CHLSN: variants seen among roughly 807,000 people sequenced by gnomAD.
CHLSN encodes cholesin, also known as protein cholesin.
the CHLSN span, among the ~76,000 whole-genome samples, chr7:1,041,102 A>G: frequency 1.3e-5 from 2 of 152,042 alleles, no homozygotes; most frequent in Admixed American, 6.6e-5. Context: ...AGCTGTGCAG[A>G]CGGAATTTAG....
the CHLSN span, chr7:988,384 T>C: frequency 3.7e-6 from 6 of 1,612,638 alleles, no homozygotes; most frequent in Admixed American, 3.3e-5. Context: ...ATGGGCACTT[T>C]GTGAAGCGGG....
At chr7:1,124,813 C>T in the CHLSN span, among the ~76,000 whole-genome samples, 3 of 151,960 alleles carry the variant, frequency 2.0e-5, no homozygotes, top group Non-Finnish European at 4.4e-5. Flanking sequence ...GAGGAGGAGC[C>T]GAAATTCAAG....
the CHLSN span, among the ~76,000 whole-genome samples, chr7:1,011,278 T>C: frequency 1.1e-5 from 1 of 90,904 alleles, no homozygotes; most frequent in Non-Finnish European, 2.0e-5. Flanking sequence ...CACACCCAGA[T>C]ACCCACACAT....
the CHLSN span, among the ~76,000 whole-genome samples, chr7:1,016,414 AGC>A: frequency 2.0e-5 from 1 of 50,352 alleles, no homozygotes; most frequent in Admixed American, 1.9e-4. Context: ...AGCACACAGC[AGC>A]GCACGCCAGC....
At chr7:987,679 G>A in the CHLSN span, 14 of 824,196 alleles carry the variant, frequency 1.7e-5, no homozygotes, top group Admixed American at 3.5e-4. Context: ...CCAGCCAGGA[G>A]CAGGAGGGAG....
the CHLSN span, among the ~76,000 whole-genome samples, chr7:1,032,855 C>T: frequency 6.6e-6 from 1 of 152,226 alleles, no homozygotes; most frequent in South Asian, 2.1e-4. Context: ...GCGCCTCTGC[C>T]CCAAGCATCC....
At chr7:1,054,521 A>G in the CHLSN span, among the ~76,000 whole-genome samples, 1 of 152,226 alleles carries the variant, frequency 6.6e-6, no homozygotes. Flanking sequence ...ACGTGAGCGC[A>G]GGGAGGAAAT....
At chr7:1,080,180 G>A in the CHLSN span, among the ~76,000 whole-genome samples, 2 of 152,270 alleles carry the variant, frequency 1.3e-5, no homozygotes, top group East Asian at 3.8e-4. Flanking sequence ...TGCACACACT[G>A]TAAGAACCAG....
the CHLSN span, among the ~76,000 whole-genome samples, chr7:1,086,278 T>C: frequency 6.6e-5 from 10 of 152,238 alleles, no homozygotes; most frequent in African/African-American, 2.2e-4. Context: ...GGTTTGAATT[T>C]TTATTTTACT....
the CHLSN span, among the ~76,000 whole-genome samples, chr7:1,112,774 C>G: frequency 6.6e-6 from 1 of 151,986 alleles, no homozygotes; most frequent in East Asian, 1.9e-4. Flanking sequence ...CCGGCCTCAG[C>G]TGTGCTTGCA....
the CHLSN span, chr7:997,818 A>T: frequency 1.6e-4 from 255 of 1,600,690 alleles, no homozygotes; most frequent in Admixed American, 2.6e-4. Flanking sequence ...GACGGGAAAG[A>T]GATCGAGTTG....
chr7:1,015,432 G>A, the CHLSN span, among the ~76,000 whole-genome samples: 2 of 152,228 alleles, frequency 1.3e-5, no homozygotes, highest in Non-Finnish European at 2.9e-5. Context: ...CAGAGGCTGG[G>A]TTCATGCAAG....
At chr7:1,023,666 CACACACACACA>C in the CHLSN span, among the ~76,000 whole-genome samples, 397 of 106,508 alleles carry the variant, frequency 3.7e-3, 3 homozygotes, top group African/African-American at 0.011. This position sits in a 1 kb window ranked among gnomAD's most constrained non-coding sequence, Gnocchi z 5.0. Flanking sequence ...CACACACACA[CACACACACACA>C]CCAGCAACGC....
At chr7:1,012,445 G>C in the CHLSN span, among the ~76,000 whole-genome samples, 1 of 152,272 alleles carries the variant, frequency 6.6e-6, no homozygotes, top group African/African-American at 2.4e-5. Context: ...GTTTCCCGCA[G>C]GCTTCCTGAG....
chr7:1,095,853 A>G, the CHLSN span, among the ~76,000 whole-genome samples: 85 of 152,370 alleles, frequency 5.6e-4, no homozygotes, highest in Middle Eastern at 3.4e-3. Flanking sequence ...TGCAGAAATC[A>G]TACAGGGCTG....
the CHLSN span, among the ~76,000 whole-genome samples, chr7:994,245 C>T: frequency 6.6e-6 from 1 of 152,182 alleles, no homozygotes. Context: ...GCAACCTCTG[C>T]CTCCCGTGTT....
the CHLSN span, among the ~76,000 whole-genome samples, chr7:1,088,872 G>C: frequency 6.6e-6 from 1 of 151,838 alleles, no homozygotes; most frequent in Non-Finnish European, 1.5e-5. This position sits in a 1 kb window ranked among gnomAD's most constrained non-coding sequence, Gnocchi z 4.5. Flanking sequence ...CTCTCACCCA[G>C]GACCACATCA....
the CHLSN span, among the ~76,000 whole-genome samples, chr7:1,036,794 G>A: frequency 7.6e-6 from 1 of 130,920 alleles, no homozygotes; most frequent in Non-Finnish European, 1.8e-5. Flanking sequence ...CGAACGCTTC[G>A]CTGGCCATTT....
the CHLSN span, chr7:987,156 C>A: frequency 6.3e-7 from 1 of 1,577,980 alleles, no homozygotes; most frequent in Non-Finnish European, 8.6e-7. Context: ...GTGGCCTGCA[C>A]CCTGGACATG....
Sources: allele counts gnomAD v4.1 joint callset (sites outside exome capture counted in the v4.1 genomes callset), GRCh38; gene constraint gnomAD v4.1.1; non-coding constraint Gnocchi (gnomAD v3.1); transcripts MANE v1.5; gene names NCBI Gene and HGNC (gene_info 2026-07-23, HGNC 2026-07-21).